ZFP14: variants seen among roughly 807,000 people sequenced by gnomAD.
ZFP14 encodes zinc finger protein 14 homolog.
ZFP14 carries 22 observed loss-of-function variants against 54.5 expected under a neutral mutation model. The ratio of observed to expected loss-of-function variants is 0.40; its 90% CI spans 0.29 to 0.58. The LOEUF (loss-of-function observed/expected upper bound fraction) is 0.58, where lower values mean the gene tolerates loss of function less well. Among genes scored for constraint, ZFP14 ranks in the 20% least tolerant of loss-of-function variants. The pLI is 0.39. For synonymous variants in ZFP14, 159 were observed against 204.0 expected (o/e 0.78, Z 1.88); for missense variants, 470 against 637.8 (o/e 0.74, Z 2.83).
chr19:36,366,866 T>C (rs1464240181), intron 2 of ZFP14, among the ~76,000 whole-genome samples: 1 of 152,038 alleles, frequency 6.6e-6, no homozygotes, highest in Non-Finnish European at 1.5e-5. Flanking sequence ...AAAAATGTCA[T>C]ATTGTGGCCA....
Position 36,338,329 on chromosome 19 carries a change from A to G in ZFP14, c.*1895T>C, listed in dbSNP as rs1460905811. The G allele has an allele frequency of 6.6e-6, 1 of 152,038 alleles. No individual in the cohort carries two copies. Among genetic ancestry groups the G allele is most frequent in the African/African-American group, 2.4e-5 (1 of 41,390 alleles). The allele number at this position is 152,038 out of a possible 1,614,324, so 9.4% of individuals were successfully genotyped here. On this transcript the variant is annotated 3_prime_UTR_variant, in exon 5 of 5. Coordinates refer to ENST00000270001, the MANE Select transcript of ZFP14 (RefSeq NM_020917.3). ...TTGATGAACTTCTGGTGACCCTGAA[A>G]TTTGGTTCACATGGGAAAAGGAAAC... is the stretch of plus-strand genomic sequence containing the variant.
At chr19:36,345,370 G>C (rs1040988647) in intron 4 of ZFP14, among the ~76,000 whole-genome samples, 1 of 152,018 alleles carries the variant, frequency 6.6e-6, no homozygotes, top group African/African-American at 2.4e-5. Context: ...TGCTAACATT[G>C]AAAGGCTTAT....
intron 4 of ZFP14, among the ~76,000 whole-genome samples, chr19:36,356,856 T>C (rs993749441): frequency 6.6e-6 from 1 of 152,136 alleles, no homozygotes; most frequent in Non-Finnish European, 1.5e-5. Flanking sequence ...TTGGTGTGCC[T>C]TTCAATCAGT....
At chr19:36,368,517 G>A (rs1020150306) in intron 1 of ZFP14, among the ~76,000 whole-genome samples, 1 of 152,150 alleles carries the variant, frequency 6.6e-6, no homozygotes, top group African/African-American at 2.4e-5. Flanking sequence ...TGGTGTAGAA[G>A]CCTAGCTACT....
At chr19:36,360,298 A>G in intron 4 of ZFP14, 137 bp downstream of exon 4, 1 of 546,614 alleles carries the variant, frequency 1.8e-6, no homozygotes, top group Non-Finnish European at 3.0e-6. Context: ...ATTTGCTTCA[A>G]GTCCCAAGCC....
Position 36,340,772 on chromosome 19 carries a change from A to G in ZFP14, c.1054T>C (p.Cys352Arg), listed in dbSNP as rs2031296304. 8 of 1,613,488 alleles carry G rather than the reference A, an allele frequency of 5.0e-6. No homozygotes were observed. Among genetic ancestry groups the G allele is most frequent in the Non-Finnish European group, 6.8e-6 (8 of 1,179,878 alleles). Residue 352 changes from cysteine (C) to arginine (R), a missense_variant, in exon 5 of 5, where the codon TGC becomes CGC. Coordinates refer to ENST00000270001, the MANE Select transcript of ZFP14 (RefSeq NM_020917.3). The surrounding 1 kb of genome is among the most constrained non-coding windows in gnomAD (Gnocchi z 5.4). ...CTCTGATGAACAGTAAGTTGTTGGC[A>G]TATTCTAAAAGCCTTTCCACACTCC... is the stretch of plus-strand genomic sequence containing the variant. ...CKECGKAFRI[C>R]QQLTVHQSIH...
Position 36,339,638 on chromosome 19 carries a change from A to G in ZFP14, c.*586T>C, listed in dbSNP as rs2031271767. On this transcript the variant is annotated 3_prime_UTR_variant, in exon 5 of 5. Transcript: ENST00000270001. Reference sequence around the variant, plus strand: ...GCCAACAGCCAGCTAGAAACTGAGAATCTCAATGCAACAGGCCTCACGGAA... The same window carrying G: ...GCCAACAGCCAGCTAGAAACTGAGAGTCTCAATGCAACAGGCCTCACGGAA... 1 of 152,242 alleles carries G rather than the reference A, an allele frequency of 6.6e-6. No individual in the cohort carries two copies. Among genetic ancestry groups the G allele is most frequent in the African/African-American group, 2.4e-5 (1 of 41,440 alleles). The allele number at this position is 152,242 out of a possible 1,614,324, so 9.4% of individuals were successfully genotyped here.
At chr19:36,346,774 C>T (rs1006811431) in intron 4 of ZFP14, among the ~76,000 whole-genome samples, 1 of 152,166 alleles carries the variant, frequency 6.6e-6, no homozygotes, top group Non-Finnish European at 1.5e-5. Flanking sequence ...ATTTTTTGTA[C>T]ATCTTGTTGG....
rs1555754716 is a variant in ZFP14, at chr19:36,349,680, AAT to A, written c.236-8092_236-8091del. ...AGACTCTGTCTCAAAACAAAAAAAA[AAT>A]ATATATATATATAATATATATATAA... On this transcript the variant is annotated intron_variant, in intron 4 of 4. Transcript: ENST00000270001. Among the ~76,000 whole-genome samples, 320 of 136,842 alleles carry A rather than the reference AAT, an allele frequency of 2.3e-3. 5 individuals carry two copies. The highest frequency in any genetic ancestry group is 0.015 in the Admixed American group (194 of 13,266). 89.8% of individuals were successfully genotyped at this position (136,842 alleles called of 152,430 possible). A position where few individuals can be genotyped will look rare whatever the true frequency, so the allele number is the denominator to read the frequency against.
At position 36,340,107 on chromosome 19, in the gene ZFP14, A is replaced by G; in HGVS notation, c.*117T>C. On this transcript the variant is annotated 3_prime_UTR_variant, in exon 5 of 5. Transcript: ENST00000270001. This position sits in a 1 kb window ranked among gnomAD's most constrained non-coding sequence, Gnocchi z 5.4. ...GGTGTTGGAAGGCTTTTAAATCAAC[A>G]TATTCTTTCTCTAATATAAAATTTA... 1 of 1,133,286 alleles carries G rather than the reference A, an allele frequency of 8.8e-7. No individual in the cohort carries two copies. The highest frequency in any genetic ancestry group is 1.2e-6 in the Non-Finnish European group (1 of 840,692). The allele number at this position is 1,133,286 out of a possible 1,614,324, so 70.2% of individuals were successfully genotyped here.
At chr19:36,365,922 C>T (rs971957517) in intron 2 of ZFP14, among the ~76,000 whole-genome samples, 12 of 150,876 alleles carry the variant, frequency 8.0e-5, no homozygotes, top group South Asian at 6.3e-4. Flanking sequence ...ATCATACCAC[C>T]GCATTCCGGC....
Position 36,340,940 on chromosome 19 carries a change from A to C in ZFP14, c.886T>G (p.Cys296Gly). 1 of 1,613,388 alleles carries C rather than the reference A, an allele frequency of 6.2e-7. No homozygotes were observed. Among genetic ancestry groups the C allele is most frequent in the South Asian group, 1.1e-5 (1 of 91,042 alleles). Residue 296 changes from cysteine (C) to glycine (G), a missense_variant, in exon 5 of 5, where the codon TGT (cysteine) becomes GGT (glycine). Physicochemically the swap from Cys to Gly is radical, Grantham distance 159. Transcript: ENST00000270001. This position sits in a 1 kb window ranked among gnomAD's most constrained non-coding sequence, Gnocchi z 5.4. ...CKDCGKTFRQCTHLTRHQRLH... is the reference protein window; with the variant it reads ...CKDCGKTFRQGTHLTRHQRLH... ...CTCTGATGGCGTGTAAGGTGTGTACACTGTCTAAAGGTCTTTCCACAGTCC... is the reference window on the plus strand; with the variant it reads ...CTCTGATGGCGTGTAAGGTGTGTACCCTGTCTAAAGGTCTTTCCACAGTCC...
At chr19:36,351,688 C>A in intron 4 of ZFP14, among the ~76,000 whole-genome samples, 1 of 139,748 alleles carries the variant, frequency 7.2e-6, no homozygotes, top group East Asian at 2.1e-4. Flanking sequence ...CAGTGAGACC[C>A]CCATCTCTAA....
intron 4 of ZFP14, among the ~76,000 whole-genome samples, chr19:36,353,845 G>A (rs1488940494): frequency 7.1e-6 from 1 of 141,198 alleles, no homozygotes; most frequent in Non-Finnish European, 1.6e-5. Context: ...AGACTGAGGT[G>A]GGAGGATCGC....
chr19:36,344,663 C>T (rs534806309), intron 4 of ZFP14, among the ~76,000 whole-genome samples: 3 of 152,250 alleles, frequency 2.0e-5, no homozygotes, highest in South Asian at 2.1e-4. Context: ...CGCCTGAGCT[C>T]GGCCTCCTGT....
At position 36,341,302 on chromosome 19, in the gene ZFP14, T is replaced by C. The variant is rs62112571; in HGVS notation, c.524A>G (p.Lys175Arg). The C allele has an allele frequency of 1.8e-4, 297 of 1,614,108 alleles. 1 individual carries two copies. Among genetic ancestry groups the C allele is most frequent in the Admixed American group, 5.3e-4 (32 of 60,004 alleles). The change falls in exon 5 of 5, where the codon AAG becomes AGG. Residue 175 changes from lysine to arginine, a missense_variant. By Grantham distance (26) the Lys-to-Arg change is conservative. Coordinates refer to ENST00000270001, the MANE Select transcript of ZFP14 (RefSeq NM_020917.3). This position sits in a 1 kb window ranked among gnomAD's most constrained non-coding sequence, Gnocchi z 4.2. ...VHNGEKVYEC[K>R]ECRKTFIRRS... ...ACGAATAAAGGTCTTCCTACACTCC[T>C]TACACTCATACACCTTTTCTCCATT...
In ZFP14 at chr19:36,338,008, A is replaced by C. The variant is rs2031237504; in HGVS notation, c.*2216T>G. The C allele has an allele frequency of 6.6e-6, 1 of 152,062 alleles. No homozygotes were observed. Among genetic ancestry groups the C allele is most frequent in the African/African-American group, 2.4e-5 (1 of 41,408 alleles). The allele number at this position is 152,062 out of a possible 1,614,324, so 9.4% of individuals were successfully genotyped here. ...AAAAGAAAAACCCATTCAAAAAACA[A>C]ATTTTTTTTTTGAGACAGGGTCTCA... is the stretch of plus-strand genomic sequence containing the variant. On this transcript the variant is annotated 3_prime_UTR_variant, in exon 5 of 5. Transcript: ENST00000270001.
At chr19:36,344,046 A>C (rs1294864213) in intron 4 of ZFP14, among the ~76,000 whole-genome samples, 1 of 152,144 alleles carries the variant, frequency 6.6e-6, no homozygotes, top group Non-Finnish European at 1.5e-5. Context: ...CTTGTTGCCC[A>C]GGCTGGAGTG....
At chr19:36,375,991 C>T (rs1462536087) in intron 1 of ZFP14, among the ~76,000 whole-genome samples, 4 of 151,776 alleles carry the variant, frequency 2.6e-5, no homozygotes. Context: ...CCGCGCCCGG[C>T]CAGATTTTTT....
Sources: allele counts gnomAD v4.1 joint callset (sites outside exome capture counted in the v4.1 genomes callset), GRCh38; gene constraint gnomAD v4.1.1; non-coding constraint Gnocchi (gnomAD v3.1); transcripts MANE v1.5; gene names NCBI Gene and HGNC (gene_info 2026-07-23, HGNC 2026-07-21).